The following ZNF133 variants were observed in gnomAD, a reference collection of about 807,000 sequenced individuals.
ZNF133 encodes the protein zinc finger protein 133 (clone pHZ-13).
In ZNF133, 26 loss-of-function variants were observed where a neutral mutation model predicts 54.9. That is an observed-to-expected ratio of 0.47 (90% confidence interval 0.35 to 0.66). The LOEUF is 0.66. ZNF133 is among the 30% of genes least tolerant of loss of function. The pLI is 0.01. For synonymous variants in ZNF133, 298 were observed against 320.3 expected, an observed-to-expected ratio of 0.93 and a Z score of 0.74; for missense variants, 653 against 820.8, an observed-to-expected ratio of 0.80 and a Z score of 2.50.
chr20:18,306,394 G>A lies in ZNF133; in HGVS notation c.217+1G>A, dbSNP rs1222531632. The A allele has an allele frequency of 2.5e-6, 4 of 1,612,542 alleles. No homozygotes were observed. Among genetic ancestry groups the A allele is most frequent in the Non-Finnish European group, 3.4e-6 (4 of 1,179,182 alleles). On this transcript the variant is annotated splice_donor_variant, in intron 6 of 6. Transcript: ENST00000425686. LOFTEE classifies it high-confidence loss of function. Reference sequence around the variant, plus strand: ...AAATGTTCACCGGCAACCTGTCCAGGTGAGTGGGAAAACACTGGACAAATG... The same window carrying A: ...AAATGTTCACCGGCAACCTGTCCAGATGAGTGGGAAAACACTGGACAAATG...
intron 6 of ZNF133, chr20:18,312,854 T>G (rs563091034): frequency 6.6e-6 from 1 of 152,272 alleles, no homozygotes; most frequent in South Asian, 2.1e-4. Flanking sequence ...AAATTATAGG[T>G]GCACACCACC....
chr20:18,303,623 T>C (rs893469475), intron 3 of ZNF133, among the ~76,000 whole-genome samples: 1 of 151,926 alleles, frequency 6.6e-6, no homozygotes, highest in Admixed American at 6.6e-5. Flanking sequence ...AGAATAGAGA[T>C]CCCAGAAATA....
intron 3 of ZNF133, among the ~76,000 whole-genome samples, chr20:18,301,463 A>C (rs1322092726): frequency 6.6e-6 from 1 of 152,220 alleles, no homozygotes; most frequent in Non-Finnish European, 1.5e-5. Context: ...AATAGCAGAA[A>C]GCAACAAAAC....
chr20:18,294,540 A>G lies in ZNF133; in HGVS notation c.-431-3445A>G, dbSNP rs186325773. Among the ~76,000 whole-genome samples the G allele has an allele frequency of 7.0e-4, 107 of 152,366 alleles. 1 individual carries two copies. The highest frequency in any genetic ancestry group is 1.5e-4 in the Non-Finnish European group (10 of 68,030). On this transcript the variant is annotated intron_variant, in intron 1 of 6. Transcript: ENST00000425686. ...TGTACTATCATTTTCTAAGATGTTAACATTAGAGAAAGCTGGGTGGAAGGT... is the reference window on the plus strand; with the variant it reads ...TGTACTATCATTTTCTAAGATGTTAGCATTAGAGAAAGCTGGGTGGAAGGT...
chr20:18,291,058 G>C (rs1305823713), intron 1 of ZNF133, among the ~76,000 whole-genome samples: 6 of 152,068 alleles, frequency 3.9e-5, no homozygotes, highest in African/African-American at 9.7e-5. Context: ...CTGGGCAACA[G>C]AGCAAGACTC....
intron 5 of ZNF133, 139 bp from the exon 6 acceptor site, chr20:18,306,159 A>G (rs923184193): frequency 1.3e-6 from 1 of 750,008 alleles, no homozygotes; most frequent in African/African-American, 1.8e-5. Flanking sequence ...CATCCCTTCC[A>G]TTTCTGAGAG....
Position 18,311,043 on chromosome 20 carries a change from G to A in ZNF133, c.218-4026G>A, listed in dbSNP as rs1177407998. On this transcript the variant is annotated intron_variant, in intron 6 of 6. Coordinates refer to ENST00000425686, the MANE Select transcript of ZNF133 (RefSeq NM_001352452.2). ...AGAATGAGAACTAAAGCCAGGTGCTGTGGCTTGCACCTGTATTCCTAGCTA... is the reference window on the plus strand; with the variant it reads ...AGAATGAGAACTAAAGCCAGGTGCTATGGCTTGCACCTGTATTCCTAGCTA... Among the ~76,000 whole-genome samples the A allele has an allele frequency of 2.7e-5, 4 of 150,940 alleles. No homozygotes were observed. The East Asian group carries it at 7.7e-4, about 29-fold the overall frequency.
intron 3 of ZNF133, among the ~76,000 whole-genome samples, chr20:18,303,717 A>G (rs190442008): frequency 2.7e-4 from 41 of 152,330 alleles, no homozygotes; most frequent in African/African-American, 6.7e-4. Context: ...AACAAACGCT[A>G]TTGGGCAAAC....
At chr20:18,295,656 A>T (rs538723199) in intron 1 of ZNF133, among the ~76,000 whole-genome samples, 81 of 151,994 alleles carry the variant, frequency 5.3e-4, no homozygotes, top group South Asian at 1.0e-3. Flanking sequence ...GAATTTAATT[A>T]ATTAATTTAT....
At position 18,315,203 on chromosome 20, in the gene ZNF133, C is replaced by T; in HGVS notation, c.352C>T (p.Gln118Ter). Residue 118 changes from glutamine (Q) to a stop codon, truncating the protein, a stop_gained, in exon 7 of 7, where the codon CAG (glutamine) becomes TAG (stop). Transcript: ENST00000425686. LOFTEE classifies it high-confidence loss of function. ...FTCLCAEGNI[Q>*]PGDPGPGDQE... Reference sequence around the variant, plus strand: ...ATGCTTGTGTGCAGAAGGTAACATCCAGCCTGGGGATCCGGGCCCAGGGGA... The same window carrying T: ...ATGCTTGTGTGCAGAAGGTAACATCTAGCCTGGGGATCCGGGCCCAGGGGA... 2 of 1,613,980 alleles carry T rather than the reference C, an allele frequency of 1.2e-6. No homozygotes were observed. Among genetic ancestry groups the T allele is most frequent in the Non-Finnish European group, 1.7e-6 (2 of 1,179,942 alleles).
chr20:18,306,529 A>G, intron 6 of ZNF133, 136 bp downstream of exon 6: 1 of 952,032 alleles, frequency 1.1e-6, no homozygotes, highest in Non-Finnish European at 1.6e-6. Context: ...ATTGCCTGAC[A>G]CGGCCTCCCT....
At chr20:18,290,898 G>A (rs758864773) in intron 1 of ZNF133, among the ~76,000 whole-genome samples, 1 of 152,122 alleles carries the variant, frequency 6.6e-6, no homozygotes, top group Non-Finnish European at 1.5e-5. Flanking sequence ...GGGCCAGAGC[G>A]GGCAGATCAC....
chr20:18,307,931 G>A (rs16978957), intron 6 of ZNF133, among the ~76,000 whole-genome samples: 49,781 of 152,064 alleles, frequency 0.33, 10,322 homozygotes, highest in African/African-American at 0.58. Context: ...CAGACACTAA[G>A]TGGATAACTT....
intron 6 of ZNF133, 48 bp downstream of exon 6, chr20:18,306,441 G>A: frequency 5.1e-6 from 8 of 1,566,634 alleles, no homozygotes; most frequent in Non-Finnish European, 6.1e-6. Context: ...CAGCAGCTCA[G>A]AGGACTGGGG....
At chr20:18,292,121 T>A (rs1433745265) in intron 1 of ZNF133, among the ~76,000 whole-genome samples, 1 of 152,212 alleles carries the variant, frequency 6.6e-6, no homozygotes, top group African/African-American at 2.4e-5. Flanking sequence ...CCCTGCTGTT[T>A]CCACCATGGT....
chr20:18,288,639 C>T lies in ZNF133; in HGVS notation c.-432+35C>T, dbSNP rs1385157000. ...GCTCCCGCGGGACCCTTGCCGCAGC[C>T]GTACCCTTTTCTGCGCGAAAAGGAA... is the stretch of plus-strand genomic sequence containing the variant. On this transcript the variant is annotated intron_variant, in intron 1 of 6. Transcript: ENST00000425686. 14 of 398,536 alleles carry T rather than the reference C, an allele frequency of 3.5e-5. No homozygotes were observed. The East Asian group carries it at 3.9e-4, about 11-fold the overall frequency. 24.7% of individuals were successfully genotyped at this position (398,536 alleles called of 1,614,324 possible). A position where few individuals can be genotyped will look rare whatever the true frequency, so the allele number is the denominator to read the frequency against.
chr20:18,316,348 C>T lies in ZNF133; in HGVS notation c.1497C>T (p.Cys499=), dbSNP rs757548004. The T allele has an allele frequency of 4.4e-6, 7 of 1,600,484 alleles. No homozygotes were observed. The highest frequency in any genetic ancestry group is 1.7e-4 in the Middle Eastern group (1 of 6,004). ...SGEKPMVCGE[C]GRGFSQKSNL... ...AGAAGCCCATGGTGTGTGGGGAGTG[C>T]GGGCGAGGCTTCAGCCAGAAGTCAA... The change falls in exon 7 of 7, where the codon TGC becomes TGT. Residue 499 remains cysteine, a synonymous_variant. Transcript: ENST00000425686.
chr20:18,314,230 C>T (rs1194314314), intron 6 of ZNF133: 1 of 152,124 alleles, frequency 6.6e-6, no homozygotes, highest in Non-Finnish European at 1.5e-5. Context: ...GAGATCTCTA[C>T]CTCGTTACTC....
chr20:18,303,237 G>T (rs1385389326), intron 3 of ZNF133, among the ~76,000 whole-genome samples: 2 of 151,904 alleles, frequency 1.3e-5, no homozygotes, highest in African/African-American at 4.8e-5. Context: ...AATAGAAACG[G>T]GGTTTCGCCA....
Sources: gnomAD v4.1 joint callset for allele counts (sites outside exome capture counted in the v4.1 genomes callset) on GRCh38, gnomAD v4.1.1 for gene constraint, MANE v1.5 for transcripts, NCBI Gene and HGNC (gene_info 2026-07-23, HGNC 2026-07-21) for gene names.